LINGO1: variants seen among roughly 807,000 people sequenced by gnomAD.
LINGO1 encodes the protein leucine rich repeat and Ig domain containing 1.
In LINGO1, 11 loss-of-function variants were observed where a neutral mutation model predicts 37.3. The ratio of observed to expected loss-of-function variants is 0.29; its 90% confidence interval spans 0.19 to 0.49. The LOEUF is 0.49. Ranked by LOEUF, LINGO1 falls within the 20% of genes least tolerant of loss-of-function variation. The probability of loss-of-function intolerance (pLI) is 0.99; values close to 1 mark genes in which losing one functional copy is unlikely to be tolerated. For missense variants in LINGO1, 585 were observed against 878.2 expected, an observed-to-expected ratio of 0.67 and a Z score of 4.22; for synonymous variants, 387 against 403.0, an observed-to-expected ratio of 0.96 and a Z score of 0.48.
At position 77,614,287 on chromosome 15, in the gene LINGO1, C is replaced by G; in HGVS notation, c.1620G>C (p.Glu540Asp). 2 of 1,614,010 alleles carry G rather than the reference C, an allele frequency of 1.2e-6. No individual in the cohort carries two copies. Among genetic ancestry groups the G allele is most frequent in the Non-Finnish European group, 1.7e-6 (2 of 1,179,888 alleles). Reference protein sequence around the residue: ...AFISNQPGEGEANSTRATVPF... With the variant: ...AFISNQPGEGDANSTRATVPF... ...GCACAGTGGCGCGGGTGCTGTTGGCCTCTCCCTCGCCCGGCTGGTTGGAGA... is the reference window on the plus strand; with the variant it reads ...GCACAGTGGCGCGGGTGCTGTTGGCGTCTCCCTCGCCCGGCTGGTTGGAGA... The change falls in exon 2 of 2, where the codon GAG becomes GAC. Residue 540 changes from glutamate to aspartate, a missense_variant. Physicochemically the swap from Glu to Asp is conservative, Grantham distance 45 (BLOSUM62 2). Around this residue, in one of 4 missense-constraint regions of LINGO1, gnomAD observed 484 missense variants for 735.0 expected, o/e 0.66. Transcript: ENST00000355300.
chr15:77,704,239 C>T (rs143359889), intron 2 of LINGO1, among the ~76,000 whole-genome samples: 24 of 152,262 alleles, frequency 1.6e-4, no homozygotes, highest in Non-Finnish European at 2.9e-4. Flanking sequence ...GACTAACAGG[C>T]CCCATGGGAG....
chr15:77,632,535 G>A lies in LINGO1; in HGVS notation c.-220C>T. Reference sequence around the variant, plus strand: ...GCCGGGGCCGGGGCTCGGGAGTGGGGAGGCGGGAGGCCGCGGCCCCGGCGG... The same window carrying A: ...GCCGGGGCCGGGGCTCGGGAGTGGGAAGGCGGGAGGCCGCGGCCCCGGCGG... On this transcript the variant is annotated 5_prime_UTR_variant, in exon 1 of 2. Coordinates refer to ENST00000355300, the MANE Select transcript of LINGO1 (RefSeq NM_032808.7). This position sits in a 1 kb window ranked among gnomAD's most constrained non-coding sequence, Gnocchi z 6.0. The A allele has an allele frequency of 3.4e-6, 1 of 290,144 alleles. No individual in the cohort carries two copies. Among genetic ancestry groups the A allele is most frequent in the East Asian group, 6.4e-5 (1 of 15,650 alleles). The allele number at this position is 290,144 out of a possible 1,614,324, so 18.0% of individuals were successfully genotyped here. A position where few individuals can be genotyped will look rare whatever the true frequency, so the allele number is the denominator to read the frequency against.
At chr15:77,634,415 C>A, upstream of LINGO1, 1 of 447,814 alleles carries the variant, frequency 2.2e-6, no homozygotes, top group East Asian at 7.0e-5. Flanking sequence ...TAGAGTCCCT[C>A]CTAGCAGGCG....
chr15:77,717,654 T>C (rs1241046487), intron 2 of LINGO1, among the ~76,000 whole-genome samples: 1 of 150,736 alleles, frequency 6.6e-6, no homozygotes. Flanking sequence ...GCTTCTACCT[T>C]AGCTGGCACT....
chr15:77,641,618 C>T (rs969849743), intron 3 of LINGO1: 2 of 349,066 alleles, frequency 5.7e-6, no homozygotes, highest in African/African-American at 2.1e-5. Flanking sequence ...TACACCCTCC[C>T]CAATTACAGA....
At chr15:77,650,868 C>T (rs2074744640) in intron 3 of LINGO1, among the ~76,000 whole-genome samples, 1 of 151,880 alleles carries the variant, frequency 6.6e-6, no homozygotes, top group African/African-American at 2.4e-5. Context: ...GTGGGAGAGT[C>T]TGGGTGCTGG....
chr15:77,773,810 C>G (rs2076609743), intron 1 of LINGO1, among the ~76,000 whole-genome samples: 3 of 152,128 alleles, frequency 2.0e-5, no homozygotes, highest in African/African-American at 7.2e-5. Context: ...AGCCTGGGGA[C>G]CTTCCCAAGG....
rs145449873 is a variant in LINGO1, at chr15:77,658,005, C to T, written c.-13+19084G>A. On this transcript the variant is annotated intron_variant, in intron 3 of 3. Transcript: ENST00000559893. The stretch of plus-strand genomic sequence containing the variant: ...GCCCAAGCTTGGGCCATCTGTTTCC[C>T]GGGGGTGGGAGGGGAGTGGGGCTTG... 2.0e-3 allele frequency among the ~76,000 whole-genome samples: 300 copies of T among 152,164 alleles called. 2 individuals are homozygous for T. Among genetic ancestry groups the T allele is most frequent in the South Asian group, 0.014 (69 of 4,828 alleles).
chr15:77,732,193 C>G (rs1354179743), intron 2 of LINGO1, among the ~76,000 whole-genome samples: 2 of 152,228 alleles, frequency 1.3e-5, no homozygotes, highest in Non-Finnish European at 2.9e-5. Flanking sequence ...GGTCTGCACT[C>G]TACACTTTAC....
At position 77,776,522 on chromosome 15, in the gene LINGO1, G is replaced by GGAAGGCAGGAAGGC. The variant is rs2076651152; in HGVS notation, c.-257+10346_-257+10347insGCCTTCCTGCCTTC. 7.4e-4 allele frequency among the ~76,000 whole-genome samples: 39 copies of GGAAGGCAGGAAGGC among 52,486 alleles called. 4 individuals carry two copies. The highest frequency in any genetic ancestry group is 1.4e-3 in the African/African-American group (20 of 13,980). The allele number at this position is 52,486 out of a possible 152,430, so 34.4% of individuals were successfully genotyped here. ...GCAGGAAGGCAGGAAGGCAGGAAGG[G>GGAAGGCAGGAAGGC]AGGAAGGGAGGGAGGGAGGGAGGGA... is the stretch of plus-strand genomic sequence containing the variant. On this transcript the variant is annotated intron_variant, in intron 1 of 3. Coordinates refer to the LINGO1 transcript ENST00000561686.
intron 1 of LINGO1, among the ~76,000 whole-genome samples, chr15:77,693,729 G>A (rs937645077): frequency 6.6e-6 from 1 of 152,200 alleles, no homozygotes; most frequent in Admixed American, 6.5e-5. Context: ...GGCACAGAGA[G>A]GGAGGAAACA....
chr15:77,798,792 A>C (rs923257996), intron 1 of LINGO1, among the ~76,000 whole-genome samples: 2 of 152,058 alleles, frequency 1.3e-5, no homozygotes, highest in Admixed American at 6.5e-5. Flanking sequence ...CAGCCTGTGT[A>C]GTCTGTGTGT....
At position 77,644,060 on chromosome 15, in the gene LINGO1, G is replaced by A. The variant is rs137974861; in HGVS notation, c.-12-28160C>T. Among the ~76,000 whole-genome samples, 310 of 152,362 alleles carry A rather than the reference G, an allele frequency of 2.0e-3. 10 individuals carry two copies. In the East Asian group the frequency reaches 0.046, roughly 22 times the overall value. Reference sequence around the variant, plus strand: ...CCCGGCACTCAGGAGCCCTCCAGGGGAGAGTCCTTGTGACCGTGAATCTAG... The same window carrying A: ...CCCGGCACTCAGGAGCCCTCCAGGGAAGAGTCCTTGTGACCGTGAATCTAG... On this transcript the variant is annotated intron_variant, in intron 3 of 3. Coordinates refer to the LINGO1 transcript ENST00000559893.
intron 1 of LINGO1, among the ~76,000 whole-genome samples, chr15:77,769,388 C>G (rs775966722): frequency 6.6e-6 from 1 of 152,238 alleles, no homozygotes; most frequent in Non-Finnish European, 1.5e-5. Flanking sequence ...AAGGTCCCCC[C>G]CCAGCCTCCC....
chr15:77,806,560 G>A (rs982456212), intron 1 of LINGO1, among the ~76,000 whole-genome samples: 1 of 152,146 alleles, frequency 6.6e-6, no homozygotes. Flanking sequence ...ACTGTTTTCA[G>A]ATCTACCTAG....
At chr15:77,792,333 C>G (rs1406949969) in intron 2 of LINGO1, among the ~76,000 whole-genome samples, 1 of 152,218 alleles carries the variant, frequency 6.6e-6, no homozygotes, top group African/African-American at 2.4e-5. Context: ...TGGACTGATG[C>G]TGGGGTCTCC....
chr15:77,718,148 C>T (rs976418434), intron 2 of LINGO1, among the ~76,000 whole-genome samples: 2 of 150,856 alleles, frequency 1.3e-5, no homozygotes, highest in African/African-American at 4.8e-5. Flanking sequence ...TACCACCCAC[C>T]TAGGGAGCCA....
intron 3 of LINGO1, among the ~76,000 whole-genome samples, chr15:77,656,184 C>T (rs2074861041): frequency 6.6e-6 from 1 of 152,118 alleles, no homozygotes; most frequent in South Asian, 2.1e-4. Flanking sequence ...AAGAGGTTTA[C>T]CCAAGGCCTG....
At chr15:77,794,571 C>T (rs1228325434) in intron 2 of LINGO1, among the ~76,000 whole-genome samples, 56 of 43,324 alleles carry the variant, frequency 1.3e-3, no homozygotes, top group East Asian at 8.2e-3. Flanking sequence ...TACACACACA[C>T]ATATATATAT....
Sources: allele counts gnomAD v4.1 joint callset (sites outside exome capture counted in the v4.1 genomes callset), GRCh38; gene constraint gnomAD v4.1.1; regional missense constraint gnomAD v4.1.1; non-coding constraint Gnocchi (gnomAD v3.1); transcripts MANE v1.5; gene names NCBI Gene and HGNC (gene_info 2026-07-23, HGNC 2026-07-21).